The following KLHDC8A variants were observed in gnomAD, a reference collection of about 807,000 sequenced individuals.
The protein encoded by KLHDC8A is kelch domain containing 8A.
Under a neutral mutation model 33.1 loss-of-function variants are expected in KLHDC8A, and 21 were observed. The ratio of observed to expected loss-of-function variants is 0.64; its 90% CI spans 0.45 to 0.91. KLHDC8A has a LOEUF of 0.91. Among genes scored for constraint, KLHDC8A ranks in the 40% least tolerant of loss-of-function variants. KLHDC8A has a pLI of 0.00. For missense variants in KLHDC8A, 435 were observed against 483.3 expected (o/e 0.90, Z 0.94); for synonymous variants, 173 against 193.5 (o/e 0.89, Z 0.88).
At chr1:205,349,761 G>A (rs112292971) in intron 1 of KLHDC8A, among the ~76,000 whole-genome samples, 590 of 152,314 alleles carry the variant, frequency 3.9e-3, no homozygotes, top group African/African-American at 0.013. Context: ...GAGAGGCCAC[G>A]GAGCTGCCTC....
In KLHDC8A at chr1:205,337,204, C is replaced by T. The variant is rs148548008; in HGVS notation, c.*195G>A. ...TCTGCAGCTGGTGGAGTCATCTGTGCCTCTTACAGTTTTCTGAGATTGGTA... is the reference window on the plus strand; with the variant it reads ...TCTGCAGCTGGTGGAGTCATCTGTGTCTCTTACAGTTTTCTGAGATTGGTA... On this transcript the variant is annotated 3_prime_UTR_variant, in exon 6 of 6. Transcript: ENST00000367155. 4.2e-5 allele frequency: 25 copies of T among 588,410 alleles called. No homozygotes were observed. The East Asian group carries it at 7.2e-4, about 17-fold the overall frequency. 36.4% of individuals were successfully genotyped at this position (588,410 alleles called of 1,614,324 possible). A position where few individuals can be genotyped will look rare whatever the true frequency, so the allele number is the denominator to read the frequency against.
chr1:205,356,686 C>T lies in KLHDC8A; in HGVS notation c.-343G>A, dbSNP rs1202009003. 2.3e-6 allele frequency: 1 copy of T among 435,236 alleles called. No homozygotes were observed. Among genetic ancestry groups the T allele is most frequent in the African/African-American group, 2.0e-5 (1 of 49,652 alleles). 27.0% of individuals were successfully genotyped at this position (435,236 alleles called of 1,614,324 possible). A position where few individuals can be genotyped will look rare whatever the true frequency, so the allele number is the denominator to read the frequency against. ...GGCAAGGTCCCCAGGGTCCCCAGGGCTTCCTCCACAATTGATGAGTCCACT... is the reference window on the plus strand; with the variant it reads ...GGCAAGGTCCCCAGGGTCCCCAGGGTTTCCTCCACAATTGATGAGTCCACT... On this transcript the variant is annotated 5_prime_UTR_variant, in exon 1 of 6. Transcript: ENST00000367155.
intron 1 of KLHDC8A, among the ~76,000 whole-genome samples, 161 bp downstream of exon 1, chr1:205,356,372 G>A (rs1663275082): frequency 6.6e-6 from 1 of 151,990 alleles, no homozygotes; most frequent in Admixed American, 6.6e-5. Flanking sequence ...GCCCAGCTGA[G>A]GAGAAAAGGC....
chr1:205,343,315 A>AC lies in KLHDC8A; in HGVS notation c.289dup (p.Val97GlyfsTer8). 1 of 1,613,566 alleles carries AC rather than the reference A, an allele frequency of 6.2e-7. No homozygotes were observed. The highest frequency in any genetic ancestry group is 8.5e-7 in the Non-Finnish European group (1 of 1,179,956). On this transcript the variant is annotated frameshift_variant, in exon 2 of 6. Coordinates refer to ENST00000367155, the MANE Select transcript of KLHDC8A (RefSeq NM_018203.3). LOFTEE classifies it high-confidence loss of function. ...GCCCTCATCGATGTTGTACATCTCC[A>AC]CGACCTTCAGGGGCAGCTGATTGGT...
At chr1:205,338,661 G>A (rs11240441) in intron 4 of KLHDC8A, 65 bp from the exon 5 acceptor site, 338,524 of 1,312,452 alleles carry the variant, frequency 0.26, 46,653 homozygotes, top group Non-Finnish European at 0.29. Context: ...CCCACCAAAT[G>A]CAGATTGTGG....
At chr1:205,343,836 C>T in intron 1 of KLHDC8A, 43 bp from the exon 2 acceptor site, 1 of 508,630 alleles carries the variant, frequency 2.0e-6, no homozygotes, top group Non-Finnish European at 3.4e-6. Context: ...TGGGGCCACG[C>T]GCCCTCCGGC....
chr1:205,343,330 A>G lies in KLHDC8A; in HGVS notation c.275T>C (p.Leu92Pro), dbSNP rs749971098. Residue 92 changes from leucine (L) to proline (P), a missense_variant, in exon 2 of 6, where the codon CTG becomes CCG. By Grantham distance (98) the Leu-to-Pro change is moderately conservative (BLOSUM62 -3). Coordinates refer to ENST00000367155, the MANE Select transcript of KLHDC8A (RefSeq NM_018203.3). ...GTACATCTCCACGACCTTCAGGGGC[A>G]GCTGATTGGTGCCCACGCCCCCAAT... ...MVIGGVGTNQ[L>P]PLKVVEMYNI... The G allele has an allele frequency of 1.9e-6, 3 of 1,613,794 alleles. No homozygotes were observed. Among genetic ancestry groups the G allele is most frequent in the Non-Finnish European group, 2.5e-6 (3 of 1,179,988 alleles).
chr1:205,345,797 G>A (rs1020378583), intron 1 of KLHDC8A, among the ~76,000 whole-genome samples: 2 of 151,926 alleles, frequency 1.3e-5, no homozygotes, highest in Admixed American at 6.6e-5. Context: ...AATCGAGGCC[G>A]GATTTGGTGG....
At chr1:205,349,213 C>A (rs1042979378) in intron 1 of KLHDC8A, among the ~76,000 whole-genome samples, 1 of 152,196 alleles carries the variant, frequency 6.6e-6, no homozygotes, top group Non-Finnish European at 1.5e-5. Flanking sequence ...GCACTGCTGC[C>A]TTGCAGGTGG....
chr1:205,341,890 C>T (rs541681552), intron 2 of KLHDC8A, among the ~76,000 whole-genome samples: 1 of 152,272 alleles, frequency 6.6e-6, no homozygotes, highest in East Asian at 1.9e-4. Flanking sequence ...ACCTCATGAT[C>T]CGCCCGCCTC....
chr1:205,352,739 G>T (rs977469465), intron 1 of KLHDC8A, among the ~76,000 whole-genome samples: 3 of 152,226 alleles, frequency 2.0e-5, no homozygotes, highest in Non-Finnish European at 4.4e-5. Flanking sequence ...GGGCAGGTGG[G>T]TGTGTACCTG....
In KLHDC8A at chr1:205,343,646, C is replaced by T. The variant is rs761638290; in HGVS notation, c.-42G>A. ...GCCCGGGCGCCGGGAGAGGTGCGAG[C>T]GCGGGGGTCCACCGGCTACTTGGCG... On this transcript the variant is annotated 5_prime_UTR_variant, in exon 2 of 6. Coordinates refer to ENST00000367155, the MANE Select transcript of KLHDC8A (RefSeq NM_018203.3). 9 of 1,519,760 alleles carry T rather than the reference C, an allele frequency of 5.9e-6. No homozygotes were observed. The highest frequency in any genetic ancestry group is 3.5e-6 in the Non-Finnish European group (4 of 1,134,672). 94.1% of individuals were successfully genotyped at this position (1,519,760 alleles called of 1,614,324 possible).
chr1:205,342,308 G>A (rs1048760835), intron 2 of KLHDC8A, among the ~76,000 whole-genome samples: 3 of 152,206 alleles, frequency 2.0e-5, no homozygotes, highest in Admixed American at 6.5e-5. Context: ...CTTGCTCTCC[G>A]TGGGCCTCCA....
At position 205,343,535 on chromosome 1, in the gene KLHDC8A, A is replaced by T. The variant is rs1406487908; in HGVS notation, c.70T>A (p.Cys24Ser). The change falls in exon 2 of 6, where the codon TGC becomes AGC. Residue 24 changes from cysteine (C) to serine (S), a missense_variant. Transcript: ENST00000367155. ...LAPLPSRRVY[C>S]SLLETGGQVY... ...TGGCCCCCGGTCTCCAGCAGGGAGC[A>T]GTAGACCCGGCGGCTGGGCAGTGGC... is the stretch of plus-strand genomic sequence containing the variant. 6.2e-7 allele frequency: 1 copy of T among 1,612,952 alleles called. No individual in the cohort carries two copies. The highest frequency in any genetic ancestry group is 8.5e-7 in the Non-Finnish European group (1 of 1,179,622).
chr1:205,338,401 G>T, intron 5 of KLHDC8A, 94 bp downstream of exon 5: 1 of 958,854 alleles, frequency 1.0e-6, no homozygotes, highest in Non-Finnish European at 1.7e-6. Flanking sequence ...GTGGTCTGCA[G>T]GGAGTCAGTA....
At chr1:205,352,186 C>G (rs1216645891) in intron 1 of KLHDC8A, among the ~76,000 whole-genome samples, 3 of 152,164 alleles carry the variant, frequency 2.0e-5, no homozygotes, top group South Asian at 4.1e-4. Flanking sequence ...CTTGAGGCAG[C>G]CTTGTTGTCC....
At chr1:205,354,199 A>G (rs1342092614) in intron 1 of KLHDC8A, among the ~76,000 whole-genome samples, 1 of 152,206 alleles carries the variant, frequency 6.6e-6, no homozygotes, top group East Asian at 1.9e-4. Flanking sequence ...GCTCCACATC[A>G]GCGCCATCTC....
intron 1 of KLHDC8A, chr1:205,351,433 T>G: frequency 2.5e-6 from 2 of 804,170 alleles, no homozygotes; most frequent in Non-Finnish European, 4.5e-6. Flanking sequence ...GGTGGTAATA[T>G]GAGGAAATAG....
At position 205,343,807 on chromosome 1, in the gene KLHDC8A, G is replaced by A; in HGVS notation, c.-189-14C>T. On this transcript the variant is annotated splice_polypyrimidine_tract_variant and intron_variant, in intron 1 of 5. Coordinates refer to ENST00000367155, the MANE Select transcript of KLHDC8A (RefSeq NM_018203.3). ...CCACGCCTGGCCCTGCGGGGGGAAC[G>A]CGGTGAATCAAGGGCAGCTGGGGCC... The A allele has an allele frequency of 1.7e-6, 1 of 593,582 alleles. No individual in the cohort carries two copies. Among genetic ancestry groups the A allele is most frequent in the Non-Finnish European group, 2.8e-6 (1 of 357,150 alleles). The allele number at this position is 593,582 out of a possible 1,614,324, so 36.8% of individuals were successfully genotyped here.
Sources: gnomAD v4.1 joint callset for allele counts (sites outside exome capture counted in the v4.1 genomes callset) on GRCh38, gnomAD v4.1.1 for gene constraint, MANE v1.5 for transcripts, NCBI Gene and HGNC (gene_info 2026-07-23, HGNC 2026-07-21) for gene names.